CAMTA1: variants seen among roughly 807,000 people sequenced by gnomAD.
CAMTA1 encodes the protein calmodulin-binding transcription activator 1.
A neutral mutation model predicts 170.9 loss-of-function variants in CAMTA1; 27 were observed. The ratio of observed to expected loss-of-function variants is 0.16; its 90% CI spans 0.12 to 0.22. The LOEUF (loss-of-function observed/expected upper bound fraction) is 0.22. CAMTA1 is among the 10% of genes least tolerant of loss of function. The pLI is 1.00. For missense variants in CAMTA1, 1,619 were observed against 2,217.2 expected (o/e 0.73, Z 5.42); for synonymous variants, 833 against 891.5 (o/e 0.93, Z 1.17).
chr1:7,713,136 AG>A (rs746649800), intron 11 of CAMTA1, among the ~76,000 whole-genome samples: 10 of 152,158 alleles, frequency 6.6e-5, no homozygotes, highest in Non-Finnish European at 1.5e-4. Flanking sequence ...GACCACACAG[AG>A]TGAGTGAGGG....
chr1:6,875,179 G>T (rs771342245), intron 3 of CAMTA1, among the ~76,000 whole-genome samples: 1 of 152,196 alleles, frequency 6.6e-6, no homozygotes, highest in Non-Finnish European at 1.5e-5. Context: ...TCACAGCACT[G>T]CTGCCTTGCA....
intron 5 of CAMTA1, among the ~76,000 whole-genome samples, chr1:7,403,490 C>T (rs528073006): frequency 6.6e-5 from 10 of 152,222 alleles, no homozygotes; most frequent in Admixed American, 1.3e-4. Flanking sequence ...GATCAGAGAG[C>T]GGAAAGTACC....
intron 4 of CAMTA1, among the ~76,000 whole-genome samples, chr1:7,198,421 G>T (rs2148992308): frequency 6.6e-6 from 1 of 152,116 alleles, no homozygotes; most frequent in South Asian, 2.1e-4. Context: ...GCAAAGCTGG[G>T]TGCTGACCTG....
chr1:7,350,337 C>T (rs2084565678), intron 5 of CAMTA1, among the ~76,000 whole-genome samples: 3 of 152,218 alleles, frequency 2.0e-5, no homozygotes. Context: ...TCCTCCTGCC[C>T]CTATACCCGC....
rs561771114 is a variant in CAMTA1, at chr1:7,564,941, G to A, written c.511-75459G>A. Among the ~76,000 whole-genome samples the A allele has an allele frequency of 3.3e-5, 5 of 152,088 alleles. No individual in the cohort carries two copies. In the East Asian group the frequency reaches 9.7e-4, roughly 30 times the overall value. ...GGTGGGGGACAGAGAAATGGAGAAG[G>A]AGAGAGAGAAGCAAAGGAAGCAAGG... On this transcript the variant is annotated intron_variant, in intron 6 of 22. Coordinates refer to ENST00000303635, the MANE Select transcript of CAMTA1 (RefSeq NM_015215.4).
At chr1:7,667,227 G>A (rs2096009082) in intron 9 of CAMTA1, among the ~76,000 whole-genome samples, 1 of 152,074 alleles carries the variant, frequency 6.6e-6, no homozygotes, top group Non-Finnish European at 1.5e-5. Context: ...GAGCTCAATG[G>A]CACCTTCGGA....
rs779625046 is a variant in CAMTA1 at position 7,467,791 on chromosome 1, C to T, written c.439-39C>T. The T allele has an allele frequency of 5.2e-6, 8 of 1,544,550 alleles. No homozygotes were observed. The African/African-American group carries it at 6.8e-5, about 13-fold the overall frequency. On this transcript the variant is annotated intron_variant, in intron 5 of 22. Coordinates refer to ENST00000303635, the MANE Select transcript of CAMTA1 (RefSeq NM_015215.4). ...CCGTCTTCCTTCCTTCCTTCCTTCC[C>T]TCTTTCCAACTGAATTCTCGTTTTT... is the stretch of plus-strand genomic sequence containing the variant.
intron 1 of CAMTA1, among the ~76,000 whole-genome samples, chr1:6,813,509 G>A (rs1270108645): frequency 2.0e-5 from 3 of 149,916 alleles, no homozygotes; most frequent in African/African-American, 7.4e-5. Flanking sequence ...CAGGTTTAAA[G>A]TAGCTTTTAT....
intron 11 of CAMTA1, among the ~76,000 whole-genome samples, chr1:7,709,596 A>G (rs2096553659): frequency 6.6e-6 from 1 of 152,372 alleles, no homozygotes; most frequent in Admixed American, 6.5e-5. Context: ...GTACCAGTGT[A>G]AAATAGGCCT....
chr1:7,082,398 G>A (rs535740752), intron 3 of CAMTA1, among the ~76,000 whole-genome samples: 10 of 151,978 alleles, frequency 6.6e-5, no homozygotes, highest in South Asian at 2.1e-4. Flanking sequence ...AGATCATGCC[G>A]CTGCCTTCCA....
intron 3 of CAMTA1, among the ~76,000 whole-genome samples, chr1:6,875,660 C>T (rs1245648016): frequency 1.3e-5 from 2 of 152,104 alleles, no homozygotes; most frequent in African/African-American, 4.8e-5. Flanking sequence ...CTCTTCCTGC[C>T]CCCCATGGAG....
intron 6 of CAMTA1, among the ~76,000 whole-genome samples, chr1:7,581,391 G>A (rs551637037): frequency 3.3e-5 from 5 of 152,294 alleles, no homozygotes; most frequent in Admixed American, 2.6e-4. Flanking sequence ...TAGCACTAGC[G>A]GCTTCATTAC....
chr1:7,413,356 A>G (rs2149271384), intron 5 of CAMTA1, among the ~76,000 whole-genome samples: 1 of 152,196 alleles, frequency 6.6e-6, no homozygotes, highest in South Asian at 2.1e-4. Context: ...CAGTATGGCC[A>G]TTTTCACGAT....
At chr1:7,288,201 G>A (rs1345245929) in intron 5 of CAMTA1, among the ~76,000 whole-genome samples, 3 of 152,230 alleles carry the variant, frequency 2.0e-5, no homozygotes, top group Non-Finnish European at 2.9e-5. Context: ...GCCCACACTC[G>A]TAGCGCTCTG....
At chr1:6,785,624 G>GACCCGGCCCCGCCGGA (rs1638923318) in intron 1 of CAMTA1, 49 bp downstream of exon 1, 1 of 980,730 alleles carries the variant, frequency 1.0e-6, no homozygotes. Flanking sequence ...CGGGCGGCGG[G>GACCCGGCCCCGCCGGA]ACCCGGCCCC....
intron 3 of CAMTA1, among the ~76,000 whole-genome samples, chr1:6,977,206 G>A (rs1693596956): frequency 6.6e-6 from 1 of 152,216 alleles, no homozygotes; most frequent in African/African-American, 2.4e-5. Context: ...CGGAGAATAA[G>A]CTGGGCAGGC....
intron 5 of CAMTA1, among the ~76,000 whole-genome samples, chr1:7,295,256 C>T (rs577280611): frequency 6.6e-6 from 1 of 152,288 alleles, no homozygotes; most frequent in South Asian, 2.1e-4. Flanking sequence ...TCACACATGC[C>T]CGTACTCAAT....
rs766018856 is a variant in CAMTA1 at position 7,435,630 on chromosome 1, C to T, written c.439-32200C>T. Among the ~76,000 whole-genome samples, 18 of 152,314 alleles carry T rather than the reference C, an allele frequency of 1.2e-4. No homozygotes were observed. The highest frequency in any genetic ancestry group is 3.4e-3 in the Middle Eastern group (1 of 294). On this transcript the variant is annotated intron_variant, in intron 5 of 22. Transcript: ENST00000303635. The surrounding 1 kb of genome is among the most constrained non-coding windows in gnomAD (Gnocchi z 4.4). ...AGTCCCCCAGCTTTGGCGGAATCAGCGCCTCAGAAAGAACCAGGCAGCCTC... is the reference window on the plus strand; with the variant it reads ...AGTCCCCCAGCTTTGGCGGAATCAGTGCCTCAGAAAGAACCAGGCAGCCTC...
At chr1:6,897,842 C>T (rs996344465) in intron 3 of CAMTA1, among the ~76,000 whole-genome samples, 1 of 152,172 alleles carries the variant, frequency 6.6e-6, no homozygotes, top group African/African-American at 2.4e-5. Context: ...TACTATTGTT[C>T]ATTTCTTTTT....
Sources: allele counts gnomAD v4.1 joint callset (sites outside exome capture counted in the v4.1 genomes callset), GRCh38; gene constraint gnomAD v4.1.1; non-coding constraint Gnocchi (gnomAD v3.1); transcripts MANE v1.5; gene names NCBI Gene and HGNC (gene_info 2026-07-23, HGNC 2026-07-21).